L3MBTL4: variants seen among roughly 807,000 people sequenced by gnomAD.
The protein encoded by L3MBTL4 is L3MBTL histone methyl-lysine binding protein 4, also known as lethal(3)malignant brain tumor-like protein 4.
Under a neutral mutation model 84.5 loss-of-function variants are expected in L3MBTL4, and 70 were observed. The observed-to-expected ratio is 0.83, with a 90% CI of 0.68 to 1.01. L3MBTL4 has a LOEUF of 1.01. Ranked by LOEUF, L3MBTL4 falls within the 50% of genes least tolerant of loss-of-function variation. L3MBTL4 has a pLI of 0.00. For missense variants in L3MBTL4, 715 were observed against 754.8 expected (o/e 0.95, Z 0.62); for synonymous variants, 274 against 259.8 (o/e 1.05, Z -0.52).
At chr18:6,311,133 A>G (rs1447508840) in intron 3 of L3MBTL4, among the ~76,000 whole-genome samples, 2 of 150,854 alleles carry the variant, frequency 1.3e-5, no homozygotes, top group African/African-American at 2.4e-5. Context: ...TCTCTCTCTC[A>G]CCCTCTCTCT....
chr18:6,275,751 T>A (rs1253598531), intron 4 of L3MBTL4, among the ~76,000 whole-genome samples: 2 of 152,168 alleles, frequency 1.3e-5, no homozygotes, highest in Non-Finnish European at 2.9e-5. Context: ...AGGGAAATCA[T>A]CAATGTTTTA....
intron 1 of L3MBTL4, among the ~76,000 whole-genome samples, chr18:6,360,194 A>AC (rs1321861201): frequency 6.6e-6 from 1 of 151,934 alleles, no homozygotes. Flanking sequence ...ACATAGTGAG[A>AC]CCCCCATCAC....
chr18:6,128,495 A>T (rs1248565556), intron 14 of L3MBTL4, among the ~76,000 whole-genome samples: 2 of 152,150 alleles, frequency 1.3e-5, no homozygotes, highest in African/African-American at 4.8e-5. Context: ...GAGGGGAGTG[A>T]CATGATAGAG....
chr18:6,160,245 C>G (rs1489188502), intron 13 of L3MBTL4, among the ~76,000 whole-genome samples: 1 of 152,192 alleles, frequency 6.6e-6, no homozygotes, highest in Non-Finnish European at 1.5e-5. Flanking sequence ...GAGGAGCCGG[C>G]GTTCATTCCC....
chr18:6,032,385 T>TACACAC (rs111595039), intron 16 of L3MBTL4: 30,312 of 346,330 alleles, frequency 0.088, 1,747 homozygotes, highest in Admixed American at 0.23. Context: ...TGAAATATGT[T>TACACAC]ACACACACAC....
intron 1 of L3MBTL4, among the ~76,000 whole-genome samples, chr18:6,374,873 G>A (rs1019326801): frequency 6.6e-6 from 1 of 152,036 alleles, no homozygotes; most frequent in Non-Finnish European, 1.5e-5. Context: ...CTAAAGCACC[G>A]TGAAATCTAT....
chr18:6,250,940 G>A (rs976763576), intron 5 of L3MBTL4, among the ~76,000 whole-genome samples: 8 of 152,308 alleles, frequency 5.3e-5, no homozygotes, highest in Middle Eastern at 3.4e-3. Flanking sequence ...TATTTTAAAT[G>A]TAAAGGGTGA....
At chr18:6,068,674 T>A (rs763009557) in intron 16 of L3MBTL4, among the ~76,000 whole-genome samples, 4 of 152,196 alleles carry the variant, frequency 2.6e-5, no homozygotes, top group African/African-American at 4.8e-5. Context: ...TGCATTCCTC[T>A]GGGAGAAGCC....
chr18:6,263,153 C>G (rs1421323042), intron 5 of L3MBTL4, among the ~76,000 whole-genome samples: 1 of 151,806 alleles, frequency 6.6e-6, no homozygotes, highest in Non-Finnish European at 1.5e-5. Flanking sequence ...ATCTGTAATC[C>G]CAGCTTCTCA....
At chr18:6,142,577 C>CT (rs200728540) in intron 13 of L3MBTL4, among the ~76,000 whole-genome samples, 2,746 of 152,100 alleles carry the variant, frequency 0.018, 43 homozygotes, top group South Asian at 0.033. Context: ...TTGGAAACAG[C>CT]TTTTTTTAAA....
At chr18:5,961,227 C>G (rs2095261891) in intron 17 of L3MBTL4, among the ~76,000 whole-genome samples, 1 of 152,248 alleles carries the variant, frequency 6.6e-6, no homozygotes, top group Non-Finnish European at 1.5e-5. Context: ...ACACGTCCCA[C>G]CCTCAGAGAG....
chr18:6,252,711 T>G (rs1386378732), intron 5 of L3MBTL4, among the ~76,000 whole-genome samples: 2 of 152,202 alleles, frequency 1.3e-5, no homozygotes, highest in Non-Finnish European at 2.9e-5. Flanking sequence ...TAAGAAAATT[T>G]TATTTCATTC....
At chr18:6,334,795 T>A (rs2052245713) in intron 1 of L3MBTL4, among the ~76,000 whole-genome samples, 1 of 152,210 alleles carries the variant, frequency 6.6e-6, no homozygotes, top group Non-Finnish European at 1.5e-5. Context: ...TATGAGCTGA[T>A]TTCCTTACCA....
At chr18:6,268,829 C>T (rs936219098) in intron 4 of L3MBTL4, among the ~76,000 whole-genome samples, 2 of 151,338 alleles carry the variant, frequency 1.3e-5, no homozygotes, top group Admixed American at 1.3e-4. Flanking sequence ...TATGTGTATA[C>T]GTGTGTGTGT....
chr18:6,015,694 C>T (rs1276029126), intron 16 of L3MBTL4, among the ~76,000 whole-genome samples: 2 of 152,172 alleles, frequency 1.3e-5, no homozygotes, highest in African/African-American at 2.4e-5. Flanking sequence ...TGCGGTGGCT[C>T]ACGCCTGTAA....
chr18:6,113,743 T>A (rs2059269027), intron 14 of L3MBTL4, among the ~76,000 whole-genome samples: 1 of 152,222 alleles, frequency 6.6e-6, no homozygotes, highest in South Asian at 2.1e-4. Context: ...CTACTAATAA[T>A]GAACAACTCA....
chr18:5,990,422 G>A (rs2053638269), intron 16 of L3MBTL4, among the ~76,000 whole-genome samples: 1 of 152,150 alleles, frequency 6.6e-6, no homozygotes, highest in African/African-American at 2.4e-5. Flanking sequence ...TAATTCACAT[G>A]GGGGACTTCA....
At chr18:6,173,176 C>A (rs58283148) in intron 12 of L3MBTL4, among the ~76,000 whole-genome samples, 5,073 of 152,278 alleles carry the variant, frequency 0.033, 294 homozygotes, top group African/African-American at 0.11. Flanking sequence ...AAGTACATTT[C>A]TACTGAACTT....
intron 14 of L3MBTL4, among the ~76,000 whole-genome samples, chr18:6,117,011 T>C (rs1242414038): frequency 1.3e-5 from 2 of 152,222 alleles, no homozygotes; most frequent in Non-Finnish European, 2.9e-5. Context: ...ACCATATGCA[T>C]TGCTTTGGTG....
Sources: allele counts gnomAD v4.1 joint callset (sites outside exome capture counted in the v4.1 genomes callset), GRCh38; gene constraint gnomAD v4.1.1; transcripts MANE v1.5; gene names NCBI Gene and HGNC (gene_info 2026-07-23, HGNC 2026-07-21).